DNAH10: variants seen among roughly 807,000 people sequenced by gnomAD.
The protein encoded by DNAH10 is dynein axonemal heavy chain 10.
DNAH10 carries 348 observed loss-of-function variants against 506.6 expected under a neutral mutation model. The ratio of observed to expected loss-of-function variants is 0.69; its 90% CI spans 0.63 to 0.75. The LOEUF (loss-of-function observed/expected upper bound fraction) is 0.75, where lower values mean the gene tolerates loss of function less well. DNAH10 is among the 30% of genes least tolerant of loss of function. The probability of loss-of-function intolerance (pLI) is 0.00; values close to 1 mark genes in which losing one functional copy is unlikely to be tolerated. For missense variants in DNAH10, 5,179 were observed against 5,787.1 expected, an observed-to-expected ratio of 0.89 and a Z score of 3.41; for synonymous variants, 2,059 against 2,198.6, an observed-to-expected ratio of 0.94 and a Z score of 1.78.
In DNAH10 at chr12:123,897,809, TGG is replaced by T; in HGVS notation, c.9321_9322del (p.Val3108GlufsTer34). ...ATCCCGGCAGAAAATATAGAAAATG[TGG>T]TGAAGCATGTTGTCTTGGTTCACCA... is the stretch of plus-strand genomic sequence containing the variant. On this transcript the variant is annotated frameshift_variant, in exon 55 of 79. Coordinates refer to ENST00000673944, the MANE Select transcript of DNAH10 (RefSeq NM_001372106.1). LOFTEE classifies it high-confidence loss of function. 1 of 1,609,416 alleles carries T rather than the reference TGG, an allele frequency of 6.2e-7. No homozygotes were observed. The highest frequency in any genetic ancestry group is 8.5e-7 in the Non-Finnish European group (1 of 1,178,848).
At chr12:123,891,869 G>A (rs1409408621) in intron 52 of DNAH10, among the ~76,000 whole-genome samples, 2 of 152,198 alleles carry the variant, frequency 1.3e-5, no homozygotes, top group African/African-American at 4.8e-5. Context: ...GGGACCCTAG[G>A]GAAGACCAGT....
At chr12:123,889,882 C>G (rs1248149097) in intron 52 of DNAH10, among the ~76,000 whole-genome samples, 3 of 152,188 alleles carry the variant, frequency 2.0e-5, no homozygotes, top group Admixed American at 2.0e-4. Flanking sequence ...CTTCAGGCCA[C>G]CCGTTTCTTG....
chr12:123,869,861 A>G (rs1265901253), intron 43 of DNAH10, among the ~76,000 whole-genome samples: 30 of 152,168 alleles, frequency 2.0e-4, no homozygotes, highest in Admixed American at 2.0e-3. Flanking sequence ...GGGCACCTGC[A>G]GCTTCCATCT....
At position 123,914,963 on chromosome 12, in the gene DNAH10, C is replaced by A; in HGVS notation, c.10686C>A (p.Asn3562Lys). The change falls in exon 62 of 79, where the codon AAC becomes AAA. Residue 3562 changes from asparagine (N) to lysine (K), a missense_variant. By Grantham distance (94) the Asn-to-Lys change is moderately conservative. Coordinates refer to ENST00000673944, the MANE Select transcript of DNAH10 (RefSeq NM_001372106.1). ...LCIDPQQQALNWIKRKEEKNN... is the reference protein window; with the variant it reads ...LCIDPQQQALKWIKRKEEKNN... The stretch of plus-strand genomic sequence containing the variant: ...TCGACCCCCAGCAGCAGGCCCTCAA[C>A]TGGATCAAGAGAAAAGAGGAGAAGA... 2 of 1,611,308 alleles carry A rather than the reference C, an allele frequency of 1.2e-6. No homozygotes were observed. Among genetic ancestry groups the A allele is most frequent in the Non-Finnish European group, 1.7e-6 (2 of 1,178,698 alleles).
intron 1 of DNAH10, among the ~76,000 whole-genome samples, chr12:123,764,122 T>A (rs533300836): frequency 6.6e-6 from 1 of 152,330 alleles, no homozygotes; most frequent in East Asian, 1.9e-4. Context: ...CACCTCGGCC[T>A]CCCGAAGTGC....
At position 123,871,530 on chromosome 12, in the gene DNAH10, TG is replaced by T; in HGVS notation, c.7714del (p.Val2572LeufsTer19). 1 of 1,555,572 alleles carries T rather than the reference TG, an allele frequency of 6.4e-7. No individual in the cohort carries two copies. The highest frequency in any genetic ancestry group is 1.2e-5 in the South Asian group (1 of 84,348). On this transcript the variant is annotated frameshift_variant, in exon 45 of 79. Transcript: ENST00000673944. LOFTEE classifies it high-confidence loss of function. Reference sequence around the variant, plus strand: ...TTAAAATTAAGCAACCTGTTATTTTTGTTGGTGAATCTGGCACTTCTAAGAC... The same window carrying T: ...TTAAAATTAAGCAACCTGTTATTTTTTTGGTGAATCTGGCACTTCTAAGAC... ...MVKIKQPVIF[V>X]GESGTSKTAT...
rs901546205 is a variant in DNAH10 at position 123,787,375 on chromosome 12, A to G, written c.1422-429A>G. On this transcript the variant is annotated intron_variant, in intron 9 of 78. Coordinates refer to ENST00000673944, the MANE Select transcript of DNAH10 (RefSeq NM_001372106.1). The surrounding 1 kb of genome is among the most constrained non-coding windows in gnomAD (Gnocchi z 4.6). ...TCTATATCTATATGTATCCATATCT[A>G]TTTATATACATCTCTCTCTCTCTCT... 6.6e-6 allele frequency among the ~76,000 whole-genome samples: 1 copy of G among 150,500 alleles called. No homozygotes were observed. Among genetic ancestry groups the G allele is most frequent in the South Asian group, 2.1e-4 (1 of 4,804 alleles).
At chr12:123,874,043 G>A (rs118145853) in intron 46 of DNAH10, among the ~76,000 whole-genome samples, 1,688 of 152,220 alleles carry the variant, frequency 0.011, 19 homozygotes, top group Non-Finnish European at 0.019. Flanking sequence ...TGTTGGCCCC[G>A]TGTACATGGG....
intron 18 of DNAH10, among the ~76,000 whole-genome samples, chr12:123,808,100 A>G (rs1475995378): frequency 7.0e-6 from 1 of 142,806 alleles, no homozygotes; most frequent in East Asian, 2.1e-4. Context: ...TGGCATGTTC[A>G]TGGCTCACTG....
rs145116444 is a variant in DNAH10, at chr12:123,928,833, C to T, written c.12306+246C>T. On this transcript the variant is annotated intron_variant, in intron 70 of 78. Coordinates refer to ENST00000673944, the MANE Select transcript of DNAH10 (RefSeq NM_001372106.1). The surrounding 1 kb of genome is among the most constrained non-coding windows in gnomAD (Gnocchi z 4.9). ...CTGCATGTGTCCCTAACAATATCTA[C>T]GCTACTTTTCATAAACTTCACGGCC... 6 of 553,004 alleles carry T rather than the reference C, an allele frequency of 1.1e-5. No individual in the cohort carries two copies. The highest frequency in any genetic ancestry group is 3.0e-5 in the East Asian group (1 of 33,294). The allele number at this position is 553,004 out of a possible 1,614,324, so 34.3% of individuals were successfully genotyped here. A position where few individuals can be genotyped will look rare whatever the true frequency, so the allele number is the denominator to read the frequency against.
rs1262826943 is a variant in DNAH10, at chr12:123,803,765, T to C, written c.2719T>C (p.Leu907=). The change falls in exon 17 of 79, where the codon TTA becomes CTA. Residue 907 remains leucine, a synonymous_variant. Transcript: ENST00000673944. ...AGATGACATTTCTTCCAGGCTGACA[T>C]TAATAGAGGCCATAAATCTCTTTAA... The part of the protein sequence containing the change: ...NADDISSRLT[L]IEAINLFKYP... The C allele has an allele frequency of 3.1e-6, 5 of 1,611,644 alleles. No individual in the cohort carries two copies. Among genetic ancestry groups the C allele is most frequent in the Non-Finnish European group, 4.2e-6 (5 of 1,179,584 alleles).
intron 4 of DNAH10, among the ~76,000 whole-genome samples, chr12:123,773,909 G>A (rs1034471990): frequency 6.6e-6 from 1 of 152,244 alleles, no homozygotes; most frequent in African/African-American, 2.4e-5. Context: ...ATCAGCAAAT[G>A]TGTGCAGCTC....
chr12:123,902,303 C>T lies in DNAH10; in HGVS notation c.9641-636C>T, dbSNP rs762645952. On this transcript the variant is annotated intron_variant, in intron 56 of 78. Coordinates refer to ENST00000673944, the MANE Select transcript of DNAH10 (RefSeq NM_001372106.1). This position sits in a 1 kb window ranked among gnomAD's most constrained non-coding sequence, Gnocchi z 4.5. Reference sequence around the variant, plus strand: ...TCACATCCTGAGGTCCCAGTGGGCACGAATCTTGGTGGGGTGACACTGTTC... The same window carrying T: ...TCACATCCTGAGGTCCCAGTGGGCATGAATCTTGGTGGGGTGACACTGTTC... Among the ~76,000 whole-genome samples the T allele has an allele frequency of 6.6e-5, 10 of 152,138 alleles. No individual in the cohort carries two copies. The highest frequency in any genetic ancestry group is 1.3e-4 in the Non-Finnish European group (9 of 68,030).
intron 51 of DNAH10, among the ~76,000 whole-genome samples, 197 bp from the exon 52 acceptor site, chr12:123,886,945 T>G (rs1435129071): frequency 2.0e-5 from 3 of 152,318 alleles, no homozygotes; most frequent in South Asian, 4.1e-4. Context: ...CTTTCCTCTG[T>G]TGCTGGGCTC....
rs771270301 is a variant in DNAH10 at position 123,857,014 on chromosome 12, C to G, written c.6439-42C>G. 4 of 1,561,126 alleles carry G rather than the reference C, an allele frequency of 2.6e-6. No individual in the cohort carries two copies. The East Asian group carries it at 9.5e-5, about 37-fold the overall frequency. On this transcript the variant is annotated intron_variant, in intron 36 of 78. Coordinates refer to ENST00000673944, the MANE Select transcript of DNAH10 (RefSeq NM_001372106.1). Reference sequence around the variant, plus strand: ...GAAACACAGTCCAAAGCACTGGGTTCCTTTGGAAATCTCTTGGAAACATGT... The same window carrying G: ...GAAACACAGTCCAAAGCACTGGGTTGCTTTGGAAATCTCTTGGAAACATGT...
rs202034758 is a variant in DNAH10 at position 123,785,722 on chromosome 12, G to A, written c.1231-24G>A. The A allele has an allele frequency of 3.4e-4, 524 of 1,539,100 alleles. No homozygotes were observed. The highest frequency in any genetic ancestry group is 4.4e-4 in the Non-Finnish European group (493 of 1,132,124). On this transcript the variant is annotated intron_variant, in intron 8 of 78. Coordinates refer to ENST00000673944, the MANE Select transcript of DNAH10 (RefSeq NM_001372106.1). This position sits in a 1 kb window ranked among gnomAD's most constrained non-coding sequence, Gnocchi z 4.1. ...GGACCCCAAGGCTAAGGGCTCTTGC[G>A]TGGCTCTCTCCTCTCTTGGTCAGAA... is the stretch of plus-strand genomic sequence containing the variant.
Position 123,887,264 on chromosome 12 carries a change from T to C in DNAH10, c.8946T>C (p.His2982=), listed in dbSNP as rs1952777249. Residue 2982 remains histidine (H), a synonymous_variant, in exon 52 of 79, where the codon CAT becomes CAC. Coordinates refer to ENST00000673944, the MANE Select transcript of DNAH10 (RefSeq NM_001372106.1). The part of the protein sequence containing the change: ...KAMIFLFTDA[H]VAEEGFLELI... Reference sequence around the variant, plus strand: ...TGATCTTTCTGTTCACGGATGCCCATGTGGCTGAGGAGGGCTTCCTGGAGC... The same window carrying C: ...TGATCTTTCTGTTCACGGATGCCCACGTGGCTGAGGAGGGCTTCCTGGAGC... 4.3e-6 allele frequency: 7 copies of C among 1,613,998 alleles called. No homozygotes were observed. Among genetic ancestry groups the C allele is most frequent in the Non-Finnish European group, 5.9e-6 (7 of 1,179,880 alleles).
chr12:123,771,117 G>A (rs2135974529), intron 2 of DNAH10, among the ~76,000 whole-genome samples: 1 of 151,872 alleles, frequency 6.6e-6, no homozygotes, highest in African/African-American at 2.4e-5. Flanking sequence ...TTACAGGCAT[G>A]CATCACCATG....
chr12:123,798,052 G>A (rs1384872050), intron 13 of DNAH10, among the ~76,000 whole-genome samples: 1 of 152,122 alleles, frequency 6.6e-6, no homozygotes, highest in Non-Finnish European at 1.5e-5. Context: ...TTTTTCTTGA[G>A]TTACAAAGCA....
Sources: allele counts gnomAD v4.1 joint callset (sites outside exome capture counted in the v4.1 genomes callset), GRCh38; gene constraint gnomAD v4.1.1; non-coding constraint Gnocchi (gnomAD v3.1); transcripts MANE v1.5; gene names NCBI Gene and HGNC (gene_info 2026-07-23, HGNC 2026-07-21).